The following HRH4 variants were observed in gnomAD, a reference collection of about 807,000 sequenced individuals.
HRH4 encodes histamine H4 receptor.
Under a neutral mutation model 10.4 loss-of-function variants are expected in HRH4, and 12 were observed. The ratio of observed to expected loss-of-function variants is 1.15; its 90% CI spans 0.74 to 1.87. HRH4 has a LOEUF of 1.87. Ranked by LOEUF, HRH4 falls within the 40% of genes most tolerant of loss-of-function variation. The pLI is 0.00. For synonymous variants in HRH4, 154 were observed against 166.6 expected, an observed-to-expected ratio of 0.92 and a Z score of 0.58; for missense variants, 415 against 453.3, an observed-to-expected ratio of 0.92 and a Z score of 0.77.
chr18:24,476,289 T>G (rs1228894817), intron 2 of HRH4, among the ~76,000 whole-genome samples: 2 of 152,226 alleles, frequency 1.3e-5, no homozygotes, highest in Non-Finnish European at 2.9e-5. Context: ...TATTGCTTTA[T>G]TTGATGAAAC....
chr18:24,475,869 G>A (rs1238317125), intron 2 of HRH4, among the ~76,000 whole-genome samples: 1 of 152,226 alleles, frequency 6.6e-6, no homozygotes, highest in Admixed American at 6.5e-5. Flanking sequence ...TTAGCCAGGT[G>A]TGGTGGTGGG....
intron 2 of HRH4, among the ~76,000 whole-genome samples, chr18:24,472,005 G>T (rs879933858): frequency 6.6e-6 from 1 of 151,992 alleles, no homozygotes; most frequent in Non-Finnish European, 1.5e-5. Context: ...ATGATGCCCA[G>T]GGGAATGTAG....
intron 2 of HRH4, among the ~76,000 whole-genome samples, chr18:24,470,501 ATTTT>A (rs200257355): frequency 7.7e-5 from 10 of 129,910 alleles, no homozygotes; most frequent in East Asian, 5.4e-4. Context: ...TTGTTTCTCT[ATTTT>A]TTTTTTTTTT....
Position 24,473,080 on chromosome 18 carries a change from A to G in HRH4, c.358-3667A>G, listed in dbSNP as rs200237302. 2.4e-3 allele frequency among the ~76,000 whole-genome samples: 362 copies of G among 152,184 alleles called. 2 individuals carry two copies. Among genetic ancestry groups the G allele is most frequent in the Non-Finnish European group, 4.4e-3 (297 of 67,992 alleles). Reference sequence around the variant, plus strand: ...TGAGGCAGGAGAATCACTTGAACCCAGGAGGCGGAGGCTGCAGTGAGCCAA... The same window carrying G: ...TGAGGCAGGAGAATCACTTGAACCCGGGAGGCGGAGGCTGCAGTGAGCCAA... On this transcript the variant is annotated intron_variant, in intron 2 of 2. Transcript: ENST00000256906.
In HRH4 at chr18:24,477,119, G is replaced by T. The variant is rs1262732249; in HGVS notation, c.730G>T (p.Val244Phe). Residue 244 changes from valine (V) to phenylalanine (F), a missense_variant, in exon 3 of 3, where the codon GTT (valine) becomes TTT (phenylalanine). Val to Phe is a conservative substitution (Grantham distance 50). Transcript: ENST00000256906. ...GAGATCTCTTTCTGCATCGACAGAA[G>T]TTCCTGCATCCTTTCATTCAGAGAG... ...SRRSLSASTE[V>F]PASFHSERQR... is the part of the protein sequence containing the mutation. The T allele has an allele frequency of 3.1e-6, 5 of 1,614,108 alleles. No homozygotes were observed. Among genetic ancestry groups the T allele is most frequent in the Non-Finnish European group, 4.2e-6 (5 of 1,180,052 alleles).
chr18:24,474,061 G>C (rs1424227061), intron 2 of HRH4, among the ~76,000 whole-genome samples: 1 of 152,142 alleles, frequency 6.6e-6, no homozygotes, highest in Non-Finnish European at 1.5e-5. Context: ...CAGCTCCTTG[G>C]CTGTCCATTA....
At chr18:24,473,077 C>A (rs1187593083) in intron 2 of HRH4, among the ~76,000 whole-genome samples, 2 of 152,074 alleles carry the variant, frequency 1.3e-5, no homozygotes, top group Non-Finnish European at 2.9e-5. Flanking sequence ...ATCACTTGAA[C>A]CCAGGAGGCG....
At chr18:24,473,518 C>T (rs1029609145) in intron 2 of HRH4, among the ~76,000 whole-genome samples, 2 of 152,302 alleles carry the variant, frequency 1.3e-5, no homozygotes, top group East Asian at 3.9e-4. Context: ...TGCGTCCCTC[C>T]AGTCTTTACA....
Position 24,468,822 on chromosome 18 carries a change from G to A in HRH4, c.228G>A (p.Thr76=), listed in dbSNP as rs758519592. ...CCATTCCTTTGTACATCCCTCACAC[G>A]CTGTTCGAATGGGATTTTGGAAAGG... ...VISIPLYIPH[T]LFEWDFGKEI... is the part of the protein sequence containing the mutation. Residue 76 remains threonine, a synonymous_variant, in exon 2 of 3, where the codon ACG becomes ACA. Coordinates refer to ENST00000256906, the MANE Select transcript of HRH4 (RefSeq NM_021624.4). 3.0e-5 allele frequency: 49 copies of A among 1,613,804 alleles called. No homozygotes were observed. The highest frequency in any genetic ancestry group is 8.0e-5 in the African/African-American group (6 of 74,896).
chr18:24,465,124 C>T (rs886119606), intron 1 of HRH4, among the ~76,000 whole-genome samples: 1 of 151,690 alleles, frequency 6.6e-6, no homozygotes, highest in Non-Finnish European at 1.5e-5. Context: ...CCAATCTCTA[C>T]TAAAAATACA....
At chr18:24,464,112 C>A (rs944144383) in intron 1 of HRH4, among the ~76,000 whole-genome samples, 2 of 152,166 alleles carry the variant, frequency 1.3e-5, no homozygotes, top group Non-Finnish European at 2.9e-5. Context: ...AGACTCTTTT[C>A]TGGCCTTCTG....
chr18:24,463,095 A>C (rs545983665), intron 1 of HRH4, among the ~76,000 whole-genome samples: 45 of 152,314 alleles, frequency 3.0e-4, no homozygotes, highest in Non-Finnish European at 5.9e-4. Context: ...TTTTGAATCA[A>C]GATGGTTCTA....
At position 24,476,880 on chromosome 18, in the gene HRH4, G is replaced by A. The variant is rs1910150837; in HGVS notation, c.491G>A (p.Cys164Tyr). The A allele has an allele frequency of 1.2e-6, 2 of 1,614,078 alleles. No individual in the cohort carries two copies. The highest frequency in any genetic ancestry group is 1.3e-5 in the African/African-American group (1 of 74,914). The change falls in exon 3 of 3, where the codon TGT (cysteine) becomes TAT (tyrosine). Residue 164 changes from cysteine to tyrosine, a missense_variant. Cys to Tyr is a radical substitution (Grantham distance 194, BLOSUM62 -2). Coordinates refer to ENST00000256906, the MANE Select transcript of HRH4 (RefSeq NM_021624.4). ...SESWKDEGSE[C>Y]EPGFFSEWYI... ...TCTTGGAAGGATGAAGGTAGTGAAT[G>A]TGAACCTGGATTTTTTTCGGAATGG...
chr18:24,466,277 T>C (rs1909772355), intron 1 of HRH4, among the ~76,000 whole-genome samples: 1 of 119,916 alleles, frequency 8.3e-6, no homozygotes, highest in South Asian at 3.0e-4. Flanking sequence ...CATGTCCAGC[T>C]AATTTTTGTA....
rs1475473856 is a variant in HRH4 at position 24,476,996 on chromosome 18, A to T, written c.607A>T (p.Lys203Ter). The T allele has an allele frequency of 6.2e-7, 1 of 1,614,202 alleles. No homozygotes were observed. The highest frequency in any genetic ancestry group is 2.2e-5 in the East Asian group (1 of 44,882). Residue 203 changes from lysine (K) to a stop codon, truncating the protein, a stop_gained, in exon 3 of 3, where the codon AAG becomes TAG. Transcript: ENST00000256906. LOFTEE classifies it low-confidence loss of function (END_TRUNC). ...CATGAATATTTATTGGAGCCTGTGG[A>T]AGCGTGATCATCTCAGTAGGTGCCA... ...FNMNIYWSLWKRDHLSRCQSH... is the reference protein window; with the variant it reads ...FNMNIYWSLW
At position 24,477,657 on chromosome 18, in the gene HRH4, T is replaced by TGG. The variant is rs990488039; in HGVS notation, c.*95_*96insGG. On this transcript the variant is annotated 3_prime_UTR_variant, in exon 3 of 3. Transcript: ENST00000256906. Reference sequence around the variant, plus strand: ...TTGCCCTTTTCATTCTACCAACAGATCTGCACTTTGAAGTCAATGGTAAAT... The same window carrying TGG: ...TTGCCCTTTTCATTCTACCAACAGATGGCTGCACTTTGAAGTCAATGGTAAAT... 2.2e-4 allele frequency: 176 copies of TGG among 784,364 alleles called. No individual in the cohort carries two copies. In the African/African-American group the frequency reaches 2.7e-3, roughly 12 times the overall value. 48.6% of individuals were successfully genotyped at this position (784,364 alleles called of 1,614,324 possible).
At chr18:24,462,083 A>G (rs1305291422) in intron 1 of HRH4, among the ~76,000 whole-genome samples, 1 of 152,190 alleles carries the variant, frequency 6.6e-6, no homozygotes, top group Non-Finnish European at 1.5e-5. Flanking sequence ...GAACTTTGAA[A>G]GATGGATAGA....
chr18:24,462,015 A>G (rs959066871), intron 1 of HRH4, among the ~76,000 whole-genome samples: 21 of 152,322 alleles, frequency 1.4e-4, no homozygotes, highest in South Asian at 2.1e-4. Flanking sequence ...AAGAAGTGCT[A>G]TGGTCACTTG....
chr18:24,469,558 A>G (rs1330789152), intron 2 of HRH4, among the ~76,000 whole-genome samples: 2 of 152,214 alleles, frequency 1.3e-5, no homozygotes, highest in African/African-American at 2.4e-5. Context: ...GCAATGGATC[A>G]AAAGAGAAAA....
Sources: allele counts gnomAD v4.1 joint callset (sites outside exome capture counted in the v4.1 genomes callset), GRCh38; gene constraint gnomAD v4.1.1; transcripts MANE v1.5; gene names NCBI Gene and HGNC (gene_info 2026-07-23, HGNC 2026-07-21).